GLB1L3: variants seen among roughly 807,000 people sequenced by gnomAD.
GLB1L3 encodes the protein beta-galactosidase-1-like protein 3.
GLB1L3 carries 89 observed loss-of-function variants against 89.5 expected under a neutral mutation model. The ratio of observed to expected loss-of-function variants is 0.99; its 90% confidence interval spans 0.84 to 1.19. GLB1L3 has a LOEUF of 1.19. Among genes scored for constraint, GLB1L3 ranks in the 50% most tolerant of loss-of-function variants. The pLI is 0.00. For synonymous variants in GLB1L3, 314 were observed against 312.3 expected (o/e 1.01, Z -0.06); for missense variants, 812 against 813.3 (o/e 1.00, Z 0.02).
chr11:134,288,706 C>G, intron 6 of GLB1L3, 92 bp from the exon 7 acceptor site: 1 of 836,428 alleles, frequency 1.2e-6, no homozygotes, highest in Non-Finnish European at 1.9e-6. Context: ...GCCTGCCGCA[C>G]CAGCTGTGCA....
At chr11:134,294,861 C>CA (rs1401518891) in intron 9 of GLB1L3, among the ~76,000 whole-genome samples, 16 of 152,316 alleles carry the variant, frequency 1.1e-4, no homozygotes, top group Admixed American at 7.2e-4. Flanking sequence ...GCTTGACTGT[C>CA]ACGTACGTAA....
chr11:134,323,394 C>CAT (rs71038580), downstream of GLB1L3, among the ~76,000 whole-genome samples: 1 of 51,706 alleles, frequency 1.9e-5, no homozygotes, highest in Admixed American at 2.0e-4. Context: ...CACACACACA[C>CAT]GTACACACAC....
At chr11:134,285,465 T>C (rs1940929036) in intron 6 of GLB1L3, among the ~76,000 whole-genome samples, 1 of 152,136 alleles carries the variant, frequency 6.6e-6, no homozygotes, top group Admixed American at 6.5e-5. Flanking sequence ...AGGACACGTC[T>C]CTTGATGCAG....
upstream of GLB1L3, chr11:134,276,324 G>A (rs1231720039): frequency 5.8e-6 from 1 of 173,616 alleles, no homozygotes; most frequent in African/African-American, 2.4e-5. Context: ...GCGCGGCACG[G>A]AGACCGCCCG....
chr11:134,307,267 C>T, intron 10 of GLB1L3, 59 bp downstream of exon 10: 3 of 1,196,172 alleles, frequency 2.5e-6, no homozygotes, highest in Non-Finnish European at 3.7e-6. Flanking sequence ...CATGAGAACT[C>T]ATTCATACAG....
At chr11:134,277,606 A>T in intron 2 of GLB1L3, 94 bp from the exon 3 acceptor site, 1 of 1,523,592 alleles carries the variant, frequency 6.6e-7, no homozygotes, top group Middle Eastern at 1.7e-4. Context: ...TACTAACAAA[A>T]ACTTCTTTTC....
At chr11:134,309,492 A>T in intron 10 of GLB1L3, 134 bp from the exon 11 acceptor site, 2 of 460,222 alleles carry the variant, frequency 4.3e-6, no homozygotes, top group East Asian at 3.5e-5. Context: ...ATTCCCAAGA[A>T]TGTATATAGC....
chr11:134,278,041 C>T (rs1278493260), intron 3 of GLB1L3, 129 bp downstream of exon 3: 25 of 822,484 alleles, frequency 3.0e-5, no homozygotes, highest in Non-Finnish European at 4.3e-5. Context: ...CCAGCACATA[C>T]ATTTAATGCT....
At position 134,310,627 on chromosome 11, in the gene GLB1L3, C is replaced by CA; in HGVS notation, c.1161dup (p.Leu388ThrfsTer42). 6.2e-7 allele frequency: 1 copy of CA among 1,613,362 alleles called. No homozygotes were observed. The highest frequency in any genetic ancestry group is 8.5e-7 in the Non-Finnish European group (1 of 1,179,466). On this transcript the variant is annotated frameshift_variant, in exon 12 of 20. Transcript: ENST00000431683. LOFTEE classifies it high-confidence loss of function. ...TTACACAGAAAAATATCTGAAGCTT[C>CA]AAAAACTCTTTCAATCTGTCTCAGG...
downstream of GLB1L3, among the ~76,000 whole-genome samples, chr11:134,320,776 A>C (rs923900832): frequency 2.6e-5 from 4 of 152,202 alleles, no homozygotes; most frequent in African/African-American, 9.7e-5. Flanking sequence ...TCTGACAAAC[A>C]AAAACCAAGA....
chr11:134,304,980 G>A (rs1942121491), intron 9 of GLB1L3: 1 of 782,818 alleles, frequency 1.3e-6, no homozygotes, highest in Non-Finnish European at 1.8e-6. Context: ...AGAAGTTGCT[G>A]TGAGAGCCCG....
In GLB1L3 at chr11:134,314,035, T is replaced by C. The variant is rs972615999; in HGVS notation, c.1667+7T>C. On this transcript the variant is annotated splice_region_variant and intron_variant, in intron 17 of 19. Coordinates refer to ENST00000431683, the MANE Select transcript of GLB1L3 (RefSeq NM_001080407.3). Reference sequence around the variant, plus strand: ...AAATGAGCTTCTTTGAGAGGTATGCTCCAGCTGGCCCCCAGTGCACACTTC... The same window carrying C: ...AAATGAGCTTCTTTGAGAGGTATGCCCCAGCTGGCCCCCAGTGCACACTTC... The C allele has an allele frequency of 6.3e-6, 10 of 1,588,144 alleles. No individual in the cohort carries two copies. Among genetic ancestry groups the C allele is most frequent in the Non-Finnish European group, 8.6e-6 (10 of 1,157,936 alleles).
chr11:134,318,517 C>T (rs1943074481), intron 18 of GLB1L3, 114 bp from the exon 19 acceptor site: 2 of 667,592 alleles, frequency 3.0e-6, no homozygotes, highest in Admixed American at 2.3e-5. Flanking sequence ...TCTAAACTCA[C>T]CTTCATTTGA....
At chr11:134,306,248 T>C (rs1942199722) in intron 9 of GLB1L3, among the ~76,000 whole-genome samples, 4 of 152,222 alleles carry the variant, frequency 2.6e-5, no homozygotes, top group Non-Finnish European at 4.4e-5. Flanking sequence ...TAGGAAGCAA[T>C]GGCATATGCC....
chr11:134,312,842 G>C lies in GLB1L3; in HGVS notation c.1455G>C (p.Gly485=), dbSNP rs140228378. Reference sequence around the variant, plus strand: ...TGTTTTTGGATGAGACAATGATAGGGATTCTGAATGAGAATAATAAGGACC... The same window carrying C: ...TGTTTTTGGATGAGACAATGATAGGCATTCTGAATGAGAATAATAAGGACC... ...AQVFLDETMI[G]ILNENNKDLH... The change falls in exon 15 of 20, where the codon GGG becomes GGC. Residue 485 remains glycine, a synonymous_variant. Transcript: ENST00000431683. 8.6e-5 allele frequency: 139 copies of C among 1,612,234 alleles called. 2 individuals carry two copies. In the African/African-American group the frequency reaches 1.6e-3, roughly 18 times the overall value.
At chr11:134,290,216 C>T (rs1232739643) in intron 7 of GLB1L3, among the ~76,000 whole-genome samples, 2 of 152,162 alleles carry the variant, frequency 1.3e-5, no homozygotes, top group African/African-American at 2.4e-5. Flanking sequence ...ATTATTTAAT[C>T]GGTTGTATTC....
chr11:134,287,072 A>C (rs1347582372), intron 6 of GLB1L3: 2 of 151,528 alleles, frequency 1.3e-5, no homozygotes, highest in Non-Finnish European at 2.9e-5. Context: ...GACGCAGGAG[A>C]ATGACGTGAA....
rs1374418679 is a variant in GLB1L3, at chr11:134,319,456, A to T, written c.*514A>T. On this transcript the variant is annotated 3_prime_UTR_variant, in exon 20 of 20. Coordinates refer to ENST00000431683, the MANE Select transcript of GLB1L3 (RefSeq NM_001080407.3). The stretch of plus-strand genomic sequence containing the variant: ...TTTTTAGGCTTTAAAAAGTCTTCAA[A>T]ATCTTTAATGACTGATTTATCTAGT... 1.3e-5 allele frequency: 2 copies of T among 152,492 alleles called. No homozygotes were observed. The highest frequency in any genetic ancestry group is 4.8e-5 in the African/African-American group (2 of 41,458). The allele number at this position is 152,492 out of a possible 1,614,324, so 9.4% of individuals were successfully genotyped here. A position where few individuals can be genotyped will look rare whatever the true frequency, so the allele number is the denominator to read the frequency against.
At chr11:134,320,564 TC>T (rs1436681229), downstream of GLB1L3, among the ~76,000 whole-genome samples, 1 of 152,212 alleles carries the variant, frequency 6.6e-6, no homozygotes, top group African/African-American at 2.4e-5. Context: ...AAATCATGTC[TC>T]TCTGATTGGC....
Sources: allele counts gnomAD v4.1 joint callset (sites outside exome capture counted in the v4.1 genomes callset), GRCh38; gene constraint gnomAD v4.1.1; transcripts MANE v1.5; gene names NCBI Gene and HGNC (gene_info 2026-07-23, HGNC 2026-07-21).